Variants in TAFA2 observed in about 807,000 individuals in gnomAD.
The protein encoded by TAFA2 is chemokine-like protein TAFA-2.
A neutral mutation model predicts 18.8 loss-of-function variants in TAFA2; 7 were observed. The ratio of observed to expected loss-of-function variants is 0.37; its 90% CI spans 0.21 to 0.70. The LOEUF (loss-of-function observed/expected upper bound fraction) is 0.70. TAFA2 is among the 30% of genes least tolerant of loss of function. TAFA2 has a pLI of 0.53. For missense variants in TAFA2, 122 were observed against 158.1 expected (o/e 0.77, Z 1.23); for synonymous variants, 60 against 54.2 (o/e 1.11, Z -0.47).
At chr12:61,858,280 T>C (rs1873971676) in intron 2 of TAFA2, among the ~76,000 whole-genome samples, 2 of 152,152 alleles carry the variant, frequency 1.3e-5, no homozygotes, top group South Asian at 4.1e-4. Context: ...ATTCAACACT[T>C]TTGTCACCAA....
intron 2 of TAFA2, among the ~76,000 whole-genome samples, chr12:61,760,791 T>G (rs1276375276): frequency 1.2e-5 from 1 of 86,044 alleles, no homozygotes; most frequent in African/African-American, 5.4e-5. Context: ...AGTATCATAT[T>G]AAAATGATGC....
intron 1 of TAFA2, among the ~76,000 whole-genome samples, chr12:61,882,097 G>A (rs893303559): frequency 4.6e-5 from 7 of 152,280 alleles, no homozygotes; most frequent in African/African-American, 1.4e-4. Flanking sequence ...ATTTGAAGAC[G>A]TTTAATGTAC....
intron 1 of TAFA2, among the ~76,000 whole-genome samples, chr12:62,168,468 C>T (rs1387418990): frequency 1.3e-4 from 20 of 152,042 alleles, no homozygotes. Flanking sequence ...TTCTACTGGA[C>T]AAATGACCTA....
At chr12:62,171,583 G>T (rs574617833) in intron 1 of TAFA2, among the ~76,000 whole-genome samples, 5 of 152,122 alleles carry the variant, frequency 3.3e-5, no homozygotes, top group Admixed American at 2.0e-4. Flanking sequence ...AAAAGAGGCC[G>T]AAGGGAGCTT....
rs185185836 is a variant in TAFA2, at chr12:61,741,770, T to C, written c.384+11852A>G. Among the ~76,000 whole-genome samples, 8 of 152,192 alleles carry C rather than the reference T, an allele frequency of 5.3e-5. No individual in the cohort carries two copies. In the East Asian group the frequency reaches 1.6e-3, roughly 30 times the overall value. On this transcript the variant is annotated intron_variant, in intron 4 of 4. Transcript: ENST00000416284. ...AGTCATAATTTTTAAAAAATCTGAA[T>C]CCCCAAAATCTAGCACAATGTCTGG...
chr12:62,062,706 G>A (rs1485967434), intron 1 of TAFA2, among the ~76,000 whole-genome samples: 1 of 152,122 alleles, frequency 6.6e-6, no homozygotes, highest in African/African-American at 2.4e-5. Flanking sequence ...CTAATATCAA[G>A]CTGTCAGCAG....
At chr12:61,887,403 G>A (rs765001222) in intron 1 of TAFA2, among the ~76,000 whole-genome samples, 15 of 151,732 alleles carry the variant, frequency 9.9e-5, no homozygotes, top group Non-Finnish European at 1.9e-4. Context: ...AATCATGCCT[G>A]ACATACAGAA....
chr12:62,068,054 A>G (rs982302818), intron 1 of TAFA2, among the ~76,000 whole-genome samples: 4 of 151,832 alleles, frequency 2.6e-5, no homozygotes, highest in Admixed American at 2.6e-4. Flanking sequence ...ACAATTCCAC[A>G]ATAATGCAAT....
chr12:62,215,950 T>C (rs1215771484), intron 1 of TAFA2, among the ~76,000 whole-genome samples: 1 of 152,110 alleles, frequency 6.6e-6, no homozygotes, highest in Non-Finnish European at 1.5e-5. Context: ...CATCAAAAGA[T>C]GGGGTTTCTA....
intron 1 of TAFA2, among the ~76,000 whole-genome samples, chr12:61,957,373 CAA>C (rs1287611357): frequency 4.6e-5 from 7 of 152,078 alleles, no homozygotes; most frequent in Non-Finnish European, 1.0e-4. Flanking sequence ...CTGAATACAG[CAA>C]AGACAGCTGG....
chr12:62,051,117 C>T (rs1882041131), intron 1 of TAFA2, among the ~76,000 whole-genome samples: 1 of 152,132 alleles, frequency 6.6e-6, no homozygotes, highest in Non-Finnish European at 1.5e-5. Context: ...TTCTTTTTTG[C>T]TAGATCAGCT....
chr12:62,084,225 C>T (rs764963776), intron 1 of TAFA2, among the ~76,000 whole-genome samples: 21 of 152,128 alleles, frequency 1.4e-4, no homozygotes, highest in Non-Finnish European at 2.2e-4. Context: ...TACAGGAAAG[C>T]TTTTTGAGAG....
chr12:61,743,570 T>G (rs1312657212), intron 4 of TAFA2, among the ~76,000 whole-genome samples: 4 of 152,106 alleles, frequency 2.6e-5, no homozygotes, highest in Non-Finnish European at 4.4e-5. Context: ...CACATCCAGA[T>G]GAGGTCTGAT....
At chr12:62,042,830 CA>C (rs748984673) in intron 1 of TAFA2, among the ~76,000 whole-genome samples, 1 of 152,044 alleles carries the variant, frequency 6.6e-6, no homozygotes, top group Non-Finnish European at 1.5e-5. Flanking sequence ...GTGCTACATC[CA>C]GCCCAGTCTT....
intron 1 of TAFA2, among the ~76,000 whole-genome samples, chr12:62,221,189 AGAAGGAAGGAGGGAAG>A: frequency 1.3e-5 from 1 of 75,878 alleles, no homozygotes; most frequent in Non-Finnish European, 2.8e-5. Context: ...AGGGGAGGGG[AGAAGGAAGGAGGGAAG>A]GAAGGAAGGG....
chr12:61,820,056 T>G (rs1462445986), intron 2 of TAFA2, among the ~76,000 whole-genome samples: 1 of 152,096 alleles, frequency 6.6e-6, no homozygotes, highest in African/African-American at 2.4e-5. Flanking sequence ...TTTAATATGT[T>G]TCCACAAGTC....
intron 1 of TAFA2, among the ~76,000 whole-genome samples, chr12:61,940,305 G>A (rs1213522039): frequency 1.3e-5 from 2 of 152,314 alleles, no homozygotes; most frequent in Middle Eastern, 3.4e-3. Context: ...TGAACAAGGG[G>A]ACCCACATTT....
intron 1 of TAFA2, among the ~76,000 whole-genome samples, chr12:61,966,600 GCCATTAATCATCTTTTAAAACAT>G (rs1879076581): frequency 1.3e-5 from 2 of 151,986 alleles, no homozygotes; most frequent in South Asian, 4.1e-4. Flanking sequence ...GGTATGAGGT[GCCATTAATCATCTTTTAAAACAT>G]CCATGTCATC....
At chr12:61,772,408 A>G (rs1428467351) in intron 2 of TAFA2, among the ~76,000 whole-genome samples, 1 of 151,902 alleles carries the variant, frequency 6.6e-6, no homozygotes, top group Non-Finnish European at 1.5e-5. Flanking sequence ...AGCCAAAACC[A>G]GGAAAGGACA....
Sources: allele counts gnomAD v4.1 joint callset (sites outside exome capture counted in the v4.1 genomes callset), GRCh38; gene constraint gnomAD v4.1.1; transcripts MANE v1.5; gene names NCBI Gene and HGNC (gene_info 2026-07-23, HGNC 2026-07-21).